The following RGS18 variants were observed in gnomAD, a reference collection of about 807,000 sequenced individuals.
RGS18 encodes regulator of G protein signaling 18, also known as regulator of G-protein signaling 18.
In RGS18, 22 loss-of-function variants were observed where a neutral mutation model predicts 27.6. The ratio of observed to expected loss-of-function variants is 0.80; its 90% CI spans 0.57 to 1.14. The LOEUF (loss-of-function observed/expected upper bound fraction) is 1.14. Among genes scored for constraint, RGS18 ranks in the 50% most tolerant of loss-of-function variants. The pLI is 0.00. For missense variants in RGS18, 299 were observed against 269.6 expected (o/e 1.11, Z -0.76); for synonymous variants, 89 against 84.6 (o/e 1.05, Z -0.29).
chr1:192,176,436 C>T (rs766202808), intron 3 of RGS18, among the ~76,000 whole-genome samples: 1 of 151,698 alleles, frequency 6.6e-6, no homozygotes, highest in Non-Finnish European at 1.5e-5. Flanking sequence ...GCAAACCTAG[C>T]ACTCACTTCA....
intron 3 of RGS18, among the ~76,000 whole-genome samples, chr1:192,163,958 T>C (rs1264272722): frequency 2.0e-5 from 3 of 151,822 alleles, no homozygotes; most frequent in African/African-American, 7.2e-5. Flanking sequence ...TTATCAAATT[T>C]CCTTTTATAA....
chr1:192,168,254 T>G lies in RGS18; in HGVS notation c.283+7815T>G, dbSNP rs940125303. 4 of 138,680 alleles carry G rather than the reference T, an allele frequency of 2.9e-5. No homozygotes were observed. In the East Asian group the frequency reaches 1.0e-3, roughly 35 times the overall value. The allele number at this position is 138,680 out of a possible 1,614,324, so 8.6% of individuals were successfully genotyped here. A position where few individuals can be genotyped will look rare whatever the true frequency, so the allele number is the denominator to read the frequency against. ...GTGCTGGGATAATCTTGTAGAGCAT[T>G]GCACATTACTTTAAAAAAGTTATTT... is the stretch of plus-strand genomic sequence containing the variant. On this transcript the variant is annotated intron_variant, in intron 3 of 4. Coordinates refer to ENST00000367460, the MANE Select transcript of RGS18 (RefSeq NM_130782.3).
At chr1:192,180,774 A>G (rs1000446173) in intron 3 of RGS18, among the ~76,000 whole-genome samples, 2 of 151,678 alleles carry the variant, frequency 1.3e-5, no homozygotes, top group Non-Finnish European at 3.0e-5. Context: ...AGCCTTGTTC[A>G]TACTCGGGCC....
At chr1:192,166,925 A>G (rs1210503933) in intron 3 of RGS18, among the ~76,000 whole-genome samples, 1 of 152,184 alleles carries the variant, frequency 6.6e-6, no homozygotes, top group Non-Finnish European at 1.5e-5. Context: ...TGCTTATCTG[A>G]ATGAAAATGT....
intron 3 of RGS18, among the ~76,000 whole-genome samples, chr1:192,174,392 T>A (rs1192933055): frequency 1.3e-5 from 2 of 151,814 alleles, no homozygotes; most frequent in African/African-American, 4.8e-5. Context: ...CCCTGTGCAT[T>A]TGAAAAGATG....
Position 192,184,634 on chromosome 1 carries a change from T to G in RGS18, c.*80T>G, listed in dbSNP as rs1656514833. The G allele has an allele frequency of 8.8e-6, 12 of 1,369,630 alleles. No homozygotes were observed. The East Asian group carries it at 2.8e-4, about 32-fold the overall frequency. The allele number at this position is 1,369,630 out of a possible 1,614,324, so 84.8% of individuals were successfully genotyped here. A position where few individuals can be genotyped will look rare whatever the true frequency, so the allele number is the denominator to read the frequency against. On this transcript the variant is annotated 3_prime_UTR_variant, in exon 5 of 5. Coordinates refer to ENST00000367460, the MANE Select transcript of RGS18 (RefSeq NM_130782.3). ...ATCGCATGTTTATGTTAAGATTTGG[T>G]CCCATCCTTTAAACTGAAATATGTC...
At position 192,170,969 on chromosome 1, in the gene RGS18, C is replaced by T. The variant is rs1223704565; in HGVS notation, c.284-10323C>T. 3.3e-5 allele frequency among the ~76,000 whole-genome samples: 5 copies of T among 152,170 alleles called. No individual in the cohort carries two copies. The South Asian group carries it at 1.0e-3, about 32-fold the overall frequency. ...TGAAAGGCATTGTGGGAAAGAAAAT[C>T]AAATAGGAACGTTCTAAGGAACAAT... is the stretch of plus-strand genomic sequence containing the variant. On this transcript the variant is annotated intron_variant, in intron 3 of 4. Transcript: ENST00000367460.
chr1:192,164,724 G>C (rs972118357), intron 3 of RGS18, among the ~76,000 whole-genome samples: 24 of 152,120 alleles, frequency 1.6e-4, no homozygotes, highest in African/African-American at 4.8e-4. Context: ...TGAAGCTATG[G>C]CAGAAGAATA....
chr1:192,159,123 C>T (rs529567476), intron 1 of RGS18, 97 bp from the exon 2 acceptor site: 8 of 731,112 alleles, frequency 1.1e-5, no homozygotes, highest in South Asian at 8.2e-5. Context: ...TATGGGTGGG[C>T]GTGGGTTTTT....
intron 3 of RGS18, among the ~76,000 whole-genome samples, chr1:192,173,495 A>G (rs913103796): frequency 2.0e-5 from 3 of 151,798 alleles, no homozygotes; most frequent in South Asian, 2.1e-4. Context: ...TCTCCTCTCA[A>G]TTTTCTCAAA....
intron 3 of RGS18, among the ~76,000 whole-genome samples, chr1:192,180,894 T>C (rs1656441073): frequency 6.6e-6 from 1 of 151,680 alleles, no homozygotes; most frequent in Non-Finnish European, 1.5e-5. Flanking sequence ...CTCAAGATCC[T>C]GAATACCAAA....
intron 3 of RGS18, among the ~76,000 whole-genome samples, chr1:192,166,396 C>A (rs925970222): frequency 1.3e-5 from 2 of 152,030 alleles, no homozygotes; most frequent in Admixed American, 6.5e-5. Flanking sequence ...TCTGGAAAAG[C>A]AGTAAGTTTA....
rs144749170 is a variant in RGS18, at chr1:192,161,142, G to A, written c.283+703G>A. On this transcript the variant is annotated intron_variant, in intron 3 of 4. Coordinates refer to ENST00000367460, the MANE Select transcript of RGS18 (RefSeq NM_130782.3). ...TGGGATTACAGGCGTGAACCACTGCGCCCCGCTCCATAAACACAGTTTTAA... is the reference window on the plus strand; with the variant it reads ...TGGGATTACAGGCGTGAACCACTGCACCCCGCTCCATAAACACAGTTTTAA... Among the ~76,000 whole-genome samples, 842 of 152,276 alleles carry A rather than the reference G, an allele frequency of 5.5e-3. 29 individuals are homozygous for A. The highest frequency in any genetic ancestry group is 0.049 in the Admixed American group (749 of 15,298).
rs528840006 is a variant in RGS18 at position 192,180,619 on chromosome 1, T to A, written c.284-673T>A. Among the ~76,000 whole-genome samples the A allele has an allele frequency of 8.6e-5, 13 of 151,768 alleles. No homozygotes were observed. In the East Asian group the frequency reaches 2.1e-3, roughly 25 times the overall value. On this transcript the variant is annotated intron_variant, in intron 3 of 4. Coordinates refer to ENST00000367460, the MANE Select transcript of RGS18 (RefSeq NM_130782.3). ...ATACTTTGTAAGCCACTTGGAAGAT[T>A]ATGTTTGAATTTAAAATTTTCAGAC...
chr1:192,159,137 A>G, intron 1 of RGS18, 83 bp from the exon 2 acceptor site: 1 of 922,354 alleles, frequency 1.1e-6, no homozygotes, highest in Non-Finnish European at 1.7e-6. Flanking sequence ...GGTTTTTACC[A>G]ACTACAAAAT....
chr1:192,181,411 G>A lies in RGS18; in HGVS notation c.403G>A (p.Ala135Thr). Residue 135 changes from alanine to threonine, a missense_variant, in exon 4 of 5, where the codon GCA becomes ACA. Transcript: ENST00000367460. ...SKGPQQIHLK[A>T]KAIYEKFIQT... ...GGGACCTCAACAAATTCACCTTAAA[G>A]CAAAAGCAATATATGAGAAATTTAT... The A allele has an allele frequency of 6.3e-7, 1 of 1,587,162 alleles. No homozygotes were observed. Among genetic ancestry groups the A allele is most frequent in the Non-Finnish European group, 8.6e-7 (1 of 1,168,918 alleles).
At chr1:192,170,365 T>A (rs1196709931) in intron 3 of RGS18, among the ~76,000 whole-genome samples, 1 of 152,120 alleles carries the variant, frequency 6.6e-6, no homozygotes, top group Admixed American at 6.6e-5. Flanking sequence ...ATCATTCTTT[T>A]AGTTAACATG....
intron 3 of RGS18, chr1:192,169,529 C>A (rs1424892841): frequency 6.6e-6 from 1 of 152,110 alleles, no homozygotes; most frequent in Non-Finnish European, 1.5e-5. Context: ...TAAAATGCCT[C>A]TTTTTGTGAA....
At chr1:192,171,542 G>A (rs2102155459) in intron 3 of RGS18, among the ~76,000 whole-genome samples, 1 of 152,158 alleles carries the variant, frequency 6.6e-6, no homozygotes, top group Non-Finnish European at 1.5e-5. Context: ...CTGAGGAAAA[G>A]AAATGGCAGG....
Sources: allele counts gnomAD v4.1 joint callset (sites outside exome capture counted in the v4.1 genomes callset), GRCh38; gene constraint gnomAD v4.1.1; transcripts MANE v1.5; gene names NCBI Gene and HGNC (gene_info 2026-07-23, HGNC 2026-07-21).